Variants in DMBT1 observed in about 807,000 individuals in gnomAD.
The protein encoded by DMBT1 is deleted in malignant brain tumors 1.
DMBT1 carries 198 observed loss-of-function variants against 252.9 expected under a neutral mutation model. That is an observed-to-expected ratio of 0.78 (90% CI 0.70 to 0.88). The LOEUF (loss-of-function observed/expected upper bound fraction) is 0.88. Among genes scored for constraint, DMBT1 ranks in the 40% least tolerant of loss-of-function variants. The pLI, the probability that DMBT1 is intolerant of heterozygous loss-of-function variation, is 0.00. For synonymous variants in DMBT1, 990 were observed against 942.7 expected, an observed-to-expected ratio of 1.05 and a Z score of -0.92; for missense variants, 2,432 against 2,404.7, an observed-to-expected ratio of 1.01 and a Z score of -0.24.
Position 122,630,387 on chromosome 10 carries a change from G to T in DMBT1, c.5922G>T (p.Arg1974Ser), listed in dbSNP as rs1476715559. The change falls in exon 48 of 56, where the codon AGG (arginine) becomes AGT (serine). Residue 1974 changes from arginine to serine, a missense_variant. Physicochemically the swap from Arg to Ser is moderately radical, Grantham distance 110 (BLOSUM62 -1). This residue lies in a region of DMBT1 where 1,162 missense variants were observed against 1,169.0 expected (regional missense o/e 0.99). Coordinates refer to ENST00000338354, the MANE Select transcript of DMBT1 (RefSeq NM_001377530.1). ...TGGGGAAAATCTGTAATGATACCAG[G>T]CAAATATTTACATCTTCTTACAACC... is the stretch of plus-strand genomic sequence containing the variant. ...LLLGKICNDT[R>S]QIFTSSYNRM... 2 of 1,613,938 alleles carry T rather than the reference G, an allele frequency of 1.2e-6. No individual in the cohort carries two copies. Among genetic ancestry groups the T allele is most frequent in the Non-Finnish European group, 1.7e-6 (2 of 1,179,888 alleles).
chr10:122,643,504 T>C lies in DMBT1; in HGVS notation c.*106T>C, dbSNP rs1051374804. On this transcript the variant is annotated 3_prime_UTR_variant, in exon 56 of 56. Coordinates refer to ENST00000338354, the MANE Select transcript of DMBT1 (RefSeq NM_001377530.1). Reference sequence around the variant, plus strand: ...TTCCAACTCAGATTGAGCCCTACATTGTGCTGCACCTGGTCATACGGAGTT... The same window carrying C: ...TTCCAACTCAGATTGAGCCCTACATCGTGCTGCACCTGGTCATACGGAGTT... The C allele has an allele frequency of 7.7e-6, 11 of 1,423,354 alleles. No individual in the cohort carries two copies. Among genetic ancestry groups the C allele is most frequent in the Admixed American group, 2.2e-5 (1 of 45,414 alleles). 88.2% of individuals were successfully genotyped at this position (1,423,354 alleles called of 1,614,324 possible).
chr10:122,572,056 T>C (rs1481098903), intron 4 of DMBT1, among the ~76,000 whole-genome samples: 2 of 152,174 alleles, frequency 1.3e-5, no homozygotes, highest in Non-Finnish European at 2.9e-5. Flanking sequence ...ATAGACTGTG[T>C]GACTTGTTGA....
intron 49 of DMBT1, among the ~76,000 whole-genome samples, chr10:122,631,606 T>G (rs2098165698): frequency 6.6e-6 from 1 of 152,164 alleles, no homozygotes; most frequent in African/African-American, 2.4e-5. Context: ...TTTAGAACAA[T>G]CATGGTCAAG....
At chr10:122,577,889 G>A (rs1242058515) in intron 8 of DMBT1, 49 bp downstream of exon 8, 2 of 1,602,220 alleles carry the variant, frequency 1.2e-6, no homozygotes, top group Non-Finnish European at 1.7e-6. Flanking sequence ...TTTCTGCTCA[G>A]TTACCCCTTC....
At chr10:122,569,778 C>G (rs2097644074) in intron 2 of DMBT1, among the ~76,000 whole-genome samples, 1 of 152,242 alleles carries the variant, frequency 6.6e-6, no homozygotes, top group African/African-American at 2.4e-5. Context: ...TCTAGTTGAA[C>G]CATCTTATCA....
chr10:122,631,960 C>A, intron 50 of DMBT1, 85 bp downstream of exon 50: 1 of 1,474,860 alleles, frequency 6.8e-7, no homozygotes, highest in South Asian at 1.1e-5. Context: ...GCATGTTGCT[C>A]ACTCTCCAAG....
In DMBT1 at chr10:122,630,006, T is replaced by TGGTCATCTGGTGAGGGGTGA; in HGVS notation, c.5822+15_5822+34dup. 6.2e-7 allele frequency: 1 copy of TGGTCATCTGGTGAGGGGTGA among 1,613,802 alleles called. No individual in the cohort carries two copies. Among genetic ancestry groups the TGGTCATCTGGTGAGGGGTGA allele is most frequent in the Non-Finnish European group, 8.5e-7 (1 of 1,179,782 alleles). On this transcript the variant is annotated intron_variant, in intron 47 of 55. Transcript: ENST00000338354. The stretch of plus-strand genomic sequence containing the variant: ...TCAGTAATCTGAAGTAAGTAATGCC[T>TGGTCATCTGGTGAGGGGTGA]GGTCATCTGGTGAGGGGTGAGTTCC...
At chr10:122,597,953 T>A (rs1413420142) in intron 24 of DMBT1, 21 bp from the exon 25 acceptor site, 1 of 1,613,904 alleles carries the variant, frequency 6.2e-7, no homozygotes, top group South Asian at 1.1e-5. Context: ...ATTCTAGCCT[T>A]TGTCTCTGTT....
Position 122,589,019 on chromosome 10 carries a change from G to A in DMBT1, c.1859G>A (p.Arg620Gln), listed in dbSNP as rs371683770. 1.6e-5 allele frequency: 26 copies of A among 1,588,574 alleles called. 2 individuals are homozygous for A. The highest frequency in any genetic ancestry group is 1.5e-4 in the African/African-American group (11 of 74,526). The change falls in exon 17 of 56, where the codon CGA (arginine) becomes CAA (glutamine). Residue 620 changes from arginine (R) to glutamine (Q), a missense_variant. Transcript: ENST00000338354. Reference protein sequence around the residue: ...RCQGRVEVLYRGSWGTVCDDS... With the variant: ...RCQGRVEVLYQGSWGTVCDDS... ...CAGGGCCGAGTGGAGGTCCTATACCGAGGCTCTTGGGGCACCGTGTGTGAT... is the reference window on the plus strand; with the variant it reads ...CAGGGCCGAGTGGAGGTCCTATACCAAGGCTCTTGGGGCACCGTGTGTGAT...
rs539376694 is a variant in DMBT1 at position 122,585,923 on chromosome 10, C to A, written c.1460-137C>A. 5.4e-6 allele frequency: 8 copies of A among 1,485,922 alleles called. 2 individuals carry two copies. The East Asian group carries it at 1.9e-4, about 35-fold the overall frequency. 92.0% of individuals were successfully genotyped at this position (1,485,922 alleles called of 1,614,324 possible). On this transcript the variant is annotated intron_variant, in intron 15 of 55. Transcript: ENST00000338354. ...CTTTGACTTTGATGAAGCTGAATCT[C>A]TGGTTTTATTCATATTCAAAGGTGA...
intron 2 of DMBT1, among the ~76,000 whole-genome samples, chr10:122,568,438 G>A (rs909883416): frequency 6.6e-6 from 1 of 152,156 alleles, no homozygotes; most frequent in Non-Finnish European, 1.5e-5. Flanking sequence ...AGGGCAAAGA[G>A]AGAACATGGA....
chr10:122,577,724 G>A (rs1055700848), intron 7 of DMBT1, 87 bp from the exon 8 acceptor site: 16 of 1,507,578 alleles, frequency 1.1e-5, no homozygotes, highest in Non-Finnish European at 1.3e-5. Flanking sequence ...TCAGCTCAGG[G>A]TGTAGATACC....
At chr10:122,585,243 C>G in intron 14 of DMBT1, 28 bp from the exon 15 acceptor site, 1 of 1,584,498 alleles carries the variant, frequency 6.3e-7, no homozygotes, top group Non-Finnish European at 8.6e-7. Context: ...AACTTTAATT[C>G]TAGCCTTTGT....
At chr10:122,623,014 T>G (rs1172636246) in intron 44 of DMBT1, among the ~76,000 whole-genome samples, 1 of 152,176 alleles carries the variant, frequency 6.6e-6, no homozygotes, top group Non-Finnish European at 1.5e-5. Context: ...CAGGACTTTT[T>G]CATTATCCCC....
At chr10:122,571,481 G>A (rs1329153708) in intron 4 of DMBT1, among the ~76,000 whole-genome samples, 1 of 152,138 alleles carries the variant, frequency 6.6e-6, no homozygotes, top group African/African-American at 2.4e-5. Flanking sequence ...ATCAAATTGA[G>A]GAGCGAACCA....
chr10:122,569,094 C>A (rs1312895532), intron 2 of DMBT1, among the ~76,000 whole-genome samples: 1 of 151,852 alleles, frequency 6.6e-6, no homozygotes, highest in Non-Finnish European at 1.5e-5. Flanking sequence ...AAGGGATCAT[C>A]GGCCAGTCCT....
chr10:122,636,219 T>C lies in DMBT1; in HGVS notation c.6757+20T>C. 3 of 1,600,400 alleles carry C rather than the reference T, an allele frequency of 1.9e-6. No homozygotes were observed. Among genetic ancestry groups the C allele is most frequent in the Non-Finnish European group, 2.6e-6 (3 of 1,168,996 alleles). On this transcript the variant is annotated intron_variant, in intron 53 of 55. Coordinates refer to ENST00000338354, the MANE Select transcript of DMBT1 (RefSeq NM_001377530.1). ...GCACCAGTAAGTCCCCTTGTGGAAA[T>C]GCTCTGTTGGGACTGGGGACATCCT...
chr10:122,640,665 G>C (rs990432297), intron 55 of DMBT1, among the ~76,000 whole-genome samples: 1 of 152,156 alleles, frequency 6.6e-6, no homozygotes, highest in Non-Finnish European at 1.5e-5. Flanking sequence ...TTTCTCATCA[G>C]GTAGGATGAC....
At chr10:122,634,754 C>T (rs527799576) in intron 52 of DMBT1, among the ~76,000 whole-genome samples, 10 of 152,092 alleles carry the variant, frequency 6.6e-5, no homozygotes, top group Non-Finnish European at 1.2e-4. Context: ...ACCTCGGCCT[C>T]CCAAAGTGCT....
Sources: allele counts gnomAD v4.1 joint callset (sites outside exome capture counted in the v4.1 genomes callset), GRCh38; gene constraint gnomAD v4.1.1; regional missense constraint gnomAD v4.1.1; transcripts MANE v1.5; gene names NCBI Gene and HGNC (gene_info 2026-07-23, HGNC 2026-07-21).